Variants in MTUS2 observed in about 807,000 individuals in gnomAD.
MTUS2 encodes the protein microtubule associated scaffold protein 2.
A neutral mutation model predicts 114.1 loss-of-function variants in MTUS2; 40 were observed. The ratio of observed to expected loss-of-function variants is 0.35; its 90% confidence interval spans 0.27 to 0.46. The LOEUF is 0.46. MTUS2 is among the 20% of genes least tolerant of loss of function. The pLI is 1.00. For missense variants in MTUS2, 1,679 were observed against 1,705.4 expected (o/e 0.98, Z 0.27); for synonymous variants, 688 against 672.0 (o/e 1.02, Z -0.37).
intron 5 of MTUS2, among the ~76,000 whole-genome samples, chr13:29,161,175 C>A (rs1376485255): frequency 1.3e-5 from 2 of 152,174 alleles, no homozygotes; most frequent in East Asian, 3.8e-4. Context: ...TGCATACACA[C>A]AAATGAGTTT....
At chr13:28,823,676 T>A (rs374797119) in intron 1 of MTUS2, among the ~76,000 whole-genome samples, 43 of 152,272 alleles carry the variant, frequency 2.8e-4, no homozygotes, top group South Asian at 1.5e-3. Context: ...GCTCCCACCC[T>A]CCAACGGATT....
At chr13:29,422,648 CTTTTTTTT>C (rs11342823) in intron 8 of MTUS2, among the ~76,000 whole-genome samples, 13 of 67,964 alleles carry the variant, frequency 1.9e-4, no homozygotes, top group Admixed American at 1.5e-3. Context: ...GATTTCTTTT[CTTTTTTTT>C]TTTTTTTTTT....
At chr13:29,270,880 C>T (rs976032690) in intron 5 of MTUS2, among the ~76,000 whole-genome samples, 1 of 152,222 alleles carries the variant, frequency 6.6e-6, no homozygotes, top group Non-Finnish European at 1.5e-5. Context: ...GTGGCATGCT[C>T]TGAGGGCAAG....
At chr13:29,192,771 C>T (rs551169553) in intron 5 of MTUS2, among the ~76,000 whole-genome samples, 1 of 152,298 alleles carries the variant, frequency 6.6e-6, no homozygotes, top group African/African-American at 2.4e-5. Context: ...TCATGATCCA[C>T]TTGAAATTTC....
intron 2 of MTUS2, among the ~76,000 whole-genome samples, chr13:28,925,409 A>G (rs1881271454): frequency 6.6e-6 from 1 of 152,238 alleles, no homozygotes; most frequent in Admixed American, 6.5e-5. Flanking sequence ...TGGACATGTA[A>G]TCAATTTAAG....
At chr13:29,302,591 A>T (rs150038064) in intron 6 of MTUS2, among the ~76,000 whole-genome samples, 1 of 152,318 alleles carries the variant, frequency 6.6e-6, no homozygotes, top group East Asian at 1.9e-4. Flanking sequence ...ATGGCACCTC[A>T]CAACTTAAGA....
rs147668787 is a variant in MTUS2 at position 29,039,388 on chromosome 13, C to T, written c.2446+5263C>T. Among the ~76,000 whole-genome samples the T allele has an allele frequency of 5.3e-4, 81 of 152,346 alleles. 1 individual carries two copies. In the East Asian group the frequency reaches 0.014, roughly 27 times the overall value. ...GGACGCCAGAAACTGTGCAAAGCAT[C>T]GCGCGCCGGGCACCCTCTGGCCATA... On this transcript the variant is annotated intron_variant, in intron 4 of 15. Transcript: ENST00000612955.
intron 12 of MTUS2, among the ~76,000 whole-genome samples, chr13:29,493,218 G>C (rs74044830): frequency 4.6e-5 from 7 of 152,162 alleles, no homozygotes; most frequent in Non-Finnish European, 1.0e-4. Context: ...TTTAGGAAAC[G>C]CTGGTCTCAG....
At chr13:28,904,969 C>T (rs928709709) in intron 2 of MTUS2, among the ~76,000 whole-genome samples, 7 of 151,530 alleles carry the variant, frequency 4.6e-5, no homozygotes, top group East Asian at 1.9e-4. Flanking sequence ...AGGTCCTTCA[C>T]GTCCCTTGTA....
chr13:29,067,238 CAG>C (rs755925264), intron 4 of MTUS2, among the ~76,000 whole-genome samples: 1 of 151,984 alleles, frequency 6.6e-6, no homozygotes, highest in Admixed American at 6.6e-5. Flanking sequence ...TGAGCAGATT[CAG>C]AGAGAGGGGG....
chr13:29,289,762 GC>G (rs1440766029), intron 6 of MTUS2, among the ~76,000 whole-genome samples: 1 of 152,156 alleles, frequency 6.6e-6, no homozygotes, highest in Admixed American at 6.5e-5. Context: ...ACTGCGCCTG[GC>G]CCAAAGTAGG....
At chr13:29,294,586 A>G (rs759495265) in intron 6 of MTUS2, among the ~76,000 whole-genome samples, 3 of 152,226 alleles carry the variant, frequency 2.0e-5, no homozygotes, top group Non-Finnish European at 4.4e-5. Flanking sequence ...AATGTATTAC[A>G]ATGAAAGGAT....
chr13:29,227,072 A>G (rs1003790501), intron 5 of MTUS2, among the ~76,000 whole-genome samples: 3 of 152,054 alleles, frequency 2.0e-5, no homozygotes, highest in Admixed American at 6.6e-5. Flanking sequence ...AGCCTGCCCA[A>G]CATGGCGAAA....
At chr13:29,384,163 A>G (rs1201444033) in intron 8 of MTUS2, among the ~76,000 whole-genome samples, 2 of 152,260 alleles carry the variant, frequency 1.3e-5, no homozygotes, top group African/African-American at 2.4e-5. Flanking sequence ...AAGGTAGACA[A>G]TAAGGGGAAA....
At chr13:29,160,890 T>G (rs555286909) in intron 5 of MTUS2, among the ~76,000 whole-genome samples, 174 of 152,314 alleles carry the variant, frequency 1.1e-3, no homozygotes, top group African/African-American at 4.0e-3. Flanking sequence ...GAATCTTCAT[T>G]GATTGAGTGC....
chr13:29,003,835 G>A (rs1349273505), intron 2 of MTUS2, among the ~76,000 whole-genome samples: 4 of 152,308 alleles, frequency 2.6e-5, no homozygotes, highest in East Asian at 3.9e-4. Flanking sequence ...CACAGCCTCC[G>A]TGGATGGCTC....
intron 2 of MTUS2, among the ~76,000 whole-genome samples, chr13:28,964,912 A>G (rs1883511153): frequency 6.6e-6 from 1 of 151,572 alleles, no homozygotes; most frequent in Non-Finnish European, 1.5e-5. Context: ...CTGTGCATGT[A>G]TATCTGATAG....
At chr13:29,164,866 ATAAT>A (rs1453237485) in intron 5 of MTUS2, among the ~76,000 whole-genome samples, 2 of 152,240 alleles carry the variant, frequency 1.3e-5, no homozygotes, top group African/African-American at 2.4e-5. Context: ...AAAAAATGAA[ATAAT>A]TAGATAGTTT....
intron 9 of MTUS2, among the ~76,000 whole-genome samples, chr13:29,460,382 A>G (rs1034875375): frequency 4.6e-5 from 7 of 152,114 alleles, no homozygotes; most frequent in East Asian, 1.9e-4. Flanking sequence ...CCAACCCCCA[A>G]TCCCGCCCAT....
Sources: allele counts gnomAD v4.1 joint callset (sites outside exome capture counted in the v4.1 genomes callset), GRCh38; gene constraint gnomAD v4.1.1; transcripts MANE v1.5; gene names NCBI Gene and HGNC (gene_info 2026-07-23, HGNC 2026-07-21).